The following MACC1 variants were observed in gnomAD, a reference collection of about 807,000 sequenced individuals.
The protein encoded by MACC1 is MET transcriptional regulator MACC1, also known as metastasis-associated in colon cancer protein 1.
Under a neutral mutation model 70.7 loss-of-function variants are expected in MACC1, and 79 were observed. That is an observed-to-expected ratio of 1.12 (90% CI 0.93 to 1.35). MACC1 has a LOEUF of 1.35. Ranked by LOEUF, MACC1 falls within the 40% of genes most tolerant of loss-of-function variation. The pLI is 0.00. For missense variants in MACC1, 1,106 were observed against 978.1 expected, an observed-to-expected ratio of 1.13 and a Z score of -1.74; for synonymous variants, 361 against 347.2, an observed-to-expected ratio of 1.04 and a Z score of -0.44.
At chr7:20,182,020 G>A (rs966279266) in intron 1 of MACC1, among the ~76,000 whole-genome samples, 1 of 151,922 alleles carries the variant, frequency 6.6e-6, no homozygotes, top group East Asian at 1.9e-4. Context: ...CATAAAAAAG[G>A]ATGAGTTCAT....
At chr7:20,200,875 G>T (rs780114329) in intron 1 of MACC1, among the ~76,000 whole-genome samples, 1 of 152,146 alleles carries the variant, frequency 6.6e-6, no homozygotes, top group Non-Finnish European at 1.5e-5. Context: ...CAGGTCAAGT[G>T]TCCATGCCAT....
intron 1 of MACC1, among the ~76,000 whole-genome samples, chr7:20,188,549 T>G (rs1782623890): frequency 1.3e-5 from 2 of 152,188 alleles, no homozygotes; most frequent in Non-Finnish European, 2.9e-5. Flanking sequence ...TCTTTGCCTT[T>G]CCTCCTTTCT....
intron 2 of MACC1, among the ~76,000 whole-genome samples, chr7:20,169,817 A>C (rs1782275841): frequency 6.6e-6 from 1 of 152,194 alleles, no homozygotes; most frequent in Non-Finnish European, 1.5e-5. Context: ...TAATAACCCC[A>C]CATGCTGTTC....
At position 20,158,866 on chromosome 7, in the gene MACC1, G is replaced by C. The variant is rs778775742; in HGVS notation, c.1495C>G (p.Gln499Glu). 14 of 1,614,006 alleles carry C rather than the reference G, an allele frequency of 8.7e-6. No homozygotes were observed. Among genetic ancestry groups the C allele is most frequent in the Non-Finnish European group, 1.2e-5 (14 of 1,180,036 alleles). The stretch of plus-strand genomic sequence containing the variant: ...GGATCAGGAGTAGTGATAGAGAACT[G>C]TGCAACTGGTTCACCATTGGGAGGC... ...VEPPNGEPVAQFSITTPDPTP... is the reference protein window; with the variant it reads ...VEPPNGEPVAEFSITTPDPTP... The change falls in exon 5 of 7, where the codon CAG becomes GAG. Residue 499 changes from glutamine (Q) to glutamate (E), a missense_variant. By Grantham distance (29) the Gln-to-Glu change is conservative (BLOSUM62 2). Coordinates refer to ENST00000400331, the MANE Select transcript of MACC1 (RefSeq NM_182762.4).
In MACC1 at chr7:20,139,400, C is replaced by T. The variant is rs1397107826; in HGVS notation, c.*1546G>A. On this transcript the variant is annotated 3_prime_UTR_variant, in exon 7 of 7. Coordinates refer to ENST00000400331, the MANE Select transcript of MACC1 (RefSeq NM_182762.4). The stretch of plus-strand genomic sequence containing the variant: ...TCCAAGAACAAATTTCCCTGACCCA[C>T]CCCCACTTCCAGTTTCACATGATGG... 1.3e-5 allele frequency: 2 copies of T among 152,156 alleles called. No individual in the cohort carries two copies. Among genetic ancestry groups the T allele is most frequent in the Non-Finnish European group, 2.9e-5 (2 of 68,052 alleles). The allele number at this position is 152,156 out of a possible 1,614,324, so 9.4% of individuals were successfully genotyped here. A position where few individuals can be genotyped will look rare whatever the true frequency, so the allele number is the denominator to read the frequency against.
intron 1 of MACC1, among the ~76,000 whole-genome samples, chr7:20,207,526 T>G (rs1428804334): frequency 6.6e-6 from 1 of 152,184 alleles, no homozygotes; most frequent in Non-Finnish European, 1.5e-5. Flanking sequence ...TTAGGACCTA[T>G]AATTCAAATT....
chr7:20,211,421 T>C (rs919735011), intron 1 of MACC1, among the ~76,000 whole-genome samples: 1 of 152,180 alleles, frequency 6.6e-6, no homozygotes, highest in Non-Finnish European at 1.5e-5. Context: ...ATATGAATAA[T>C]ACTAAAGTTA....
chr7:20,164,050 C>G (rs1056035535), intron 3 of MACC1, among the ~76,000 whole-genome samples: 3 of 152,152 alleles, frequency 2.0e-5, no homozygotes, highest in Admixed American at 6.5e-5. Context: ...GATTCTCATG[C>G]CTGAGCCTCC....
At chr7:20,157,829 C>A (rs1473740070) in intron 5 of MACC1, among the ~76,000 whole-genome samples, 1 of 150,120 alleles carries the variant, frequency 6.7e-6, no homozygotes, top group African/African-American at 2.4e-5. Context: ...AAAAGTAGAT[C>A]CCTAACAATG....
At chr7:20,207,243 C>T (rs370699911) in intron 1 of MACC1, among the ~76,000 whole-genome samples, 24 of 151,830 alleles carry the variant, frequency 1.6e-4, no homozygotes, top group East Asian at 7.7e-4. Context: ...TAGGTTCAAG[C>T]GATTCTCCTA....
chr7:20,150,822 G>A (rs962699266), intron 6 of MACC1, among the ~76,000 whole-genome samples: 1 of 152,092 alleles, frequency 6.6e-6, no homozygotes, highest in Non-Finnish European at 1.5e-5. Context: ...CGAGGTGAGT[G>A]GATCACCTGA....
intron 6 of MACC1, among the ~76,000 whole-genome samples, chr7:20,152,150 T>C (rs905363479): frequency 1.3e-4 from 20 of 152,016 alleles, no homozygotes; most frequent in African/African-American, 4.1e-4. Flanking sequence ...AGAAAGAAGT[T>C]AAAGGAGAGA....
intron 1 of MACC1, among the ~76,000 whole-genome samples, chr7:20,207,116 T>A (rs1383804648): frequency 6.6e-6 from 1 of 152,098 alleles, no homozygotes; most frequent in African/African-American, 2.4e-5. Context: ...GCAAGTTTCA[T>A]CAAATTCAAT....
At chr7:20,205,581 A>T (rs540043205) in intron 1 of MACC1, among the ~76,000 whole-genome samples, 175 of 152,236 alleles carry the variant, frequency 1.1e-3, no homozygotes, top group African/African-American at 4.0e-3. Context: ...ATATAAACTC[A>T]TTTGAAATAA....
Position 20,136,903 on chromosome 7 carries a change from A to C in MACC1, c.*4043T>G, listed in dbSNP as rs868561384. 4 of 148,026 alleles carry C rather than the reference A, an allele frequency of 2.7e-5. No homozygotes were observed. Among genetic ancestry groups the C allele is most frequent in the South Asian group, 2.1e-4 (1 of 4,778 alleles). The allele number at this position is 148,026 out of a possible 1,614,324, so 9.2% of individuals were successfully genotyped here. ...ATTATAATATTAAATTATATTATTA[A>C]TTCTTAAAGATTATTAATTATAATA... On this transcript the variant is annotated 3_prime_UTR_variant, in exon 7 of 7. Coordinates refer to ENST00000400331, the MANE Select transcript of MACC1 (RefSeq NM_182762.4).
At chr7:20,171,669 C>A (rs1184140212) in intron 1 of MACC1, among the ~76,000 whole-genome samples, 1 of 151,394 alleles carries the variant, frequency 6.6e-6, no homozygotes, top group Non-Finnish European at 1.5e-5. Context: ...GCAACCTCCA[C>A]CTCCCAGGTT....
At chr7:20,148,970 C>T (rs1180885249) in intron 6 of MACC1, among the ~76,000 whole-genome samples, 1 of 152,170 alleles carries the variant, frequency 6.6e-6, no homozygotes, top group East Asian at 1.9e-4. Context: ...AGTACCAAGG[C>T]TAGAACTGAA....
At chr7:20,188,823 T>G (rs770852091) in intron 1 of MACC1, among the ~76,000 whole-genome samples, 1 of 152,232 alleles carries the variant, frequency 6.6e-6, no homozygotes, top group African/African-American at 2.4e-5. Flanking sequence ...CTCCTTAAAA[T>G]AGTCAGATTA....
Position 20,154,335 on chromosome 7 carries a change from T to G in MACC1, c.2204A>C (p.Gln735Pro). 1.2e-6 allele frequency: 2 copies of G among 1,613,958 alleles called. No homozygotes were observed. The highest frequency in any genetic ancestry group is 1.7e-6 in the Non-Finnish European group (2 of 1,179,914). The change falls in exon 6 of 7, where the codon CAA becomes CCA. Residue 735 changes from glutamine (Q) to proline (P), a missense_variant. Coordinates refer to ENST00000400331, the MANE Select transcript of MACC1 (RefSeq NM_182762.4). ...AGCTGAAGTCAGAACAGCAGCTTCT[T>G]GGATGAGACGTGCGACTAACTCTTG... ...DCQELVARLI[Q>P]EAAVLTSAVK...
Sources: allele counts gnomAD v4.1 joint callset (sites outside exome capture counted in the v4.1 genomes callset), GRCh38; gene constraint gnomAD v4.1.1; transcripts MANE v1.5; gene names NCBI Gene and HGNC (gene_info 2026-07-23, HGNC 2026-07-21).